The following UTRN variants were observed in gnomAD, a reference collection of about 807,000 sequenced individuals.
The protein encoded by UTRN is utrophin.
Under a neutral mutation model 463.9 loss-of-function variants are expected in UTRN, and 283 were observed. That is an observed-to-expected ratio of 0.61 (90% CI 0.55 to 0.67). The LOEUF (loss-of-function observed/expected upper bound fraction) is 0.67, where lower values mean the gene tolerates loss of function less well. Among genes scored for constraint, UTRN ranks in the 30% least tolerant of loss-of-function variants. UTRN has a pLI of 0.00. For synonymous variants in UTRN, 1,442 were observed against 1,431.5 expected, an observed-to-expected ratio of 1.01 and a Z score of -0.17; for missense variants, 3,922 against 4,084.3, an observed-to-expected ratio of 0.96 and a Z score of 1.08.
chr6:144,626,186 C>T (rs1775924172), intron 51 of UTRN, among the ~76,000 whole-genome samples: 1 of 152,138 alleles, frequency 6.6e-6, no homozygotes, highest in South Asian at 2.1e-4. Flanking sequence ...CATTTTTAAA[C>T]TAGTCTATTA....
intron 60 of UTRN, among the ~76,000 whole-genome samples, chr6:144,776,853 C>T (rs1314536630): frequency 6.6e-6 from 1 of 152,090 alleles, no homozygotes; most frequent in African/African-American, 2.4e-5. Flanking sequence ...TACTTTTGCA[C>T]CAACTTAATC....
At chr6:144,785,507 C>G (rs1364871205) in intron 61 of UTRN, among the ~76,000 whole-genome samples, 1 of 152,148 alleles carries the variant, frequency 6.6e-6, no homozygotes, top group Non-Finnish European at 1.5e-5. Context: ...ATTATTCTTA[C>G]TATATTTCTA....
rs1312465745 is a variant in UTRN, at chr6:144,635,504, CTTTTTTTTTCTTTTTT to C, written c.7480-42887_7480-42872del. 8.5e-3 allele frequency among the ~76,000 whole-genome samples: 405 copies of C among 47,818 alleles called. 5 individuals carry two copies. The highest frequency in any genetic ancestry group is 0.023 in the African/African-American group (345 of 14,878). 31.4% of individuals were successfully genotyped at this position (47,818 alleles called of 152,430 possible). A position where few individuals can be genotyped will look rare whatever the true frequency, so the allele number is the denominator to read the frequency against. ...TTCTCAGTATTACTTAGCAGCTAGC[CTTTTTTTTTCTTTTTT>C]TTTTTTTTTCTTTTCTTTTTTTTTT... On this transcript the variant is annotated intron_variant, in intron 51 of 74. Coordinates refer to ENST00000367545, the MANE Select transcript of UTRN (RefSeq NM_007124.3).
At chr6:144,552,161 ATT>A in intron 48 of UTRN, among the ~76,000 whole-genome samples, 1 of 152,328 alleles carries the variant, frequency 6.6e-6, no homozygotes, top group South Asian at 2.1e-4. Context: ...AAATCCTAAT[ATT>A]TGTCAAGGGA....
chr6:144,789,406 G>C (rs1776569528), intron 62 of UTRN, 127 bp downstream of exon 62: 2 of 774,438 alleles, frequency 2.6e-6, no homozygotes. Flanking sequence ...AACCCTTACT[G>C]TGCCTATACC....
intron 50 of UTRN, among the ~76,000 whole-genome samples, chr6:144,567,719 T>C (rs1480418921): frequency 1.3e-5 from 2 of 152,174 alleles, no homozygotes; most frequent in Non-Finnish European, 2.9e-5. Context: ...GATGCTGCTG[T>C]TTTTCATTCT....
chr6:144,602,028 A>G (rs1804301384), intron 51 of UTRN, among the ~76,000 whole-genome samples: 1 of 152,180 alleles, frequency 6.6e-6, no homozygotes, highest in Admixed American at 6.5e-5. Flanking sequence ...CATTGTTGAT[A>G]GGTTCTTGGA....
intron 23 of UTRN, among the ~76,000 whole-genome samples, chr6:144,470,549 A>G (rs1790473007): frequency 1.6e-5 from 2 of 122,044 alleles, no homozygotes; most frequent in Admixed American, 1.7e-4. Context: ...AGACAGGATG[A>G]CGGCCGGGAA....
At chr6:144,756,636 C>T (rs1054538192) in intron 57 of UTRN, among the ~76,000 whole-genome samples, 4 of 152,074 alleles carry the variant, frequency 2.6e-5, no homozygotes, top group Non-Finnish European at 5.9e-5. Flanking sequence ...GACCTATTAG[C>T]CTGGTGCCAA....
intron 50 of UTRN, among the ~76,000 whole-genome samples, chr6:144,564,792 G>A (rs533127702): frequency 6.6e-6 from 1 of 152,264 alleles, no homozygotes; most frequent in South Asian, 2.1e-4. Context: ...TCTCTCCCTT[G>A]ACACATGGGG....
rs1265121446 is a variant in UTRN at position 144,361,498 on chromosome 6, G to A, written c.80-41625G>A. On this transcript the variant is annotated intron_variant, in intron 2 of 74. Coordinates refer to ENST00000367545, the MANE Select transcript of UTRN (RefSeq NM_007124.3). ...CCAGGGAAGTCCAGAATCTTCCAGG[G>A]AAGACCAGGTGGATCTATTTCTGGA... Among the ~76,000 whole-genome samples, 4 of 152,158 alleles carry A rather than the reference G, an allele frequency of 2.6e-5. No homozygotes were observed. In the East Asian group the frequency reaches 7.7e-4, roughly 29 times the overall value.
chr6:144,442,508 A>G (rs1312568388), intron 13 of UTRN, among the ~76,000 whole-genome samples: 1 of 152,194 alleles, frequency 6.6e-6, no homozygotes, highest in Non-Finnish European at 1.5e-5. Context: ...ACTGGGAAGA[A>G]AAAGAGGTTT....
At chr6:144,304,610 G>A (rs1805550793) in intron 2 of UTRN, among the ~76,000 whole-genome samples, 1 of 152,160 alleles carries the variant, frequency 6.6e-6, no homozygotes, top group Non-Finnish European at 1.5e-5. Flanking sequence ...GAAAGAATGA[G>A]TGGGGATGTG....
intron 67 of UTRN, 48 bp downstream of exon 67, chr6:144,827,434 A>G (rs1780283250): frequency 1.2e-6 from 2 of 1,611,504 alleles, no homozygotes; most frequent in Non-Finnish European, 8.5e-7. Context: ...GATCAGTGGT[A>G]CTAGCATGGG....
chr6:144,385,681 A>T lies in UTRN; in HGVS notation c.80-17442A>T, dbSNP rs567461086. ...TGTCAGACTCACAGTAGACTATTAA[A>T]TAAAGACAGTGCTGCCAGAACTCTA... On this transcript the variant is annotated intron_variant, in intron 2 of 74. Coordinates refer to ENST00000367545, the MANE Select transcript of UTRN (RefSeq NM_007124.3). Among the ~76,000 whole-genome samples the T allele has an allele frequency of 6.2e-4, 94 of 152,108 alleles. No homozygotes were observed. The East Asian group carries it at 0.014, about 23-fold the overall frequency.
rs567928389 is a variant in UTRN, at chr6:144,632,023, C to G, written c.7480-46383C>G. Among the ~76,000 whole-genome samples, 5 of 152,246 alleles carry G rather than the reference C, an allele frequency of 3.3e-5. No individual in the cohort carries two copies. The South Asian group carries it at 1.0e-3, about 32-fold the overall frequency. On this transcript the variant is annotated intron_variant, in intron 51 of 74. Coordinates refer to ENST00000367545, the MANE Select transcript of UTRN (RefSeq NM_007124.3). Reference sequence around the variant, plus strand: ...AAGGGACCTGGGAAGCGCCAGGGTCCATCAAAAATGTAAAGACATTTATTA... The same window carrying G: ...AAGGGACCTGGGAAGCGCCAGGGTCGATCAAAAATGTAAAGACATTTATTA...
At chr6:144,645,350 C>G (rs566756663) in intron 51 of UTRN, among the ~76,000 whole-genome samples, 1 of 151,990 alleles carries the variant, frequency 6.6e-6, no homozygotes, top group Non-Finnish European at 1.5e-5. Flanking sequence ...ACTTATAGTC[C>G]TTAGATACTG....
intron 43 of UTRN, 144 bp downstream of exon 43, chr6:144,533,404 C>G: frequency 1.5e-6 from 2 of 1,371,280 alleles, no homozygotes; most frequent in African/African-American, 1.5e-5. Context: ...TGCCCACGTT[C>G]TCCCTTCCTG....
intron 3 of UTRN, among the ~76,000 whole-genome samples, chr6:144,414,527 T>G (rs181041113): frequency 6.6e-6 from 1 of 152,184 alleles, no homozygotes; most frequent in East Asian, 1.9e-4. Context: ...AATCTAAGGT[T>G]TATTATTGAA....
Sources: gnomAD v4.1 joint callset for allele counts (sites outside exome capture counted in the v4.1 genomes callset) on GRCh38, gnomAD v4.1.1 for gene constraint, MANE v1.5 for transcripts, NCBI Gene and HGNC (gene_info 2026-07-23, HGNC 2026-07-21) for gene names.